Variants in ITGA9 observed in about 807,000 individuals in gnomAD.
ITGA9 encodes integrin subunit alpha 9.
Under a neutral mutation model 127.8 loss-of-function variants are expected in ITGA9, and 56 were observed. The ratio of observed to expected loss-of-function variants is 0.44; its 90% confidence interval spans 0.35 to 0.55. The LOEUF (loss-of-function observed/expected upper bound fraction) is 0.55. ITGA9 is among the 20% of genes least tolerant of loss of function. The probability of loss-of-function intolerance (pLI) is 0.00; values close to 1 mark genes in which losing one functional copy is unlikely to be tolerated. For synonymous variants in ITGA9, 508 were observed against 514.5 expected (o/e 0.99, Z 0.17); for missense variants, 1,196 against 1,347.1 (o/e 0.89, Z 1.76).
intron 18 of ITGA9, among the ~76,000 whole-genome samples, chr3:37,693,711 A>G (rs1328745066): frequency 6.6e-6 from 1 of 152,218 alleles, no homozygotes; most frequent in East Asian, 1.9e-4. Flanking sequence ...TCTGGGCAGG[A>G]GAACAAAGCA....
At chr3:37,803,793 A>C in intron 26 of ITGA9, 30 bp from the exon 27 acceptor site, 1 of 1,613,450 alleles carries the variant, frequency 6.2e-7, no homozygotes, top group Non-Finnish European at 8.5e-7. Context: ...ATAAAAAAGG[A>C]AATGTTTTCA....
chr3:37,580,348 TC>T (rs1216723952), intron 15 of ITGA9, among the ~76,000 whole-genome samples: 2 of 152,356 alleles, frequency 1.3e-5, no homozygotes, highest in Admixed American at 1.3e-4. Context: ...GGCGGGGCTT[TC>T]CCTTTTGCTC....
intron 22 of ITGA9, chr3:37,748,084 A>G (rs1364205408): frequency 7.0e-6 from 3 of 431,272 alleles, no homozygotes; most frequent in African/African-American, 4.1e-5. Flanking sequence ...TTTGGCCAGA[A>G]CCACCATCTT....
At chr3:37,776,423 C>G (rs1696908609) in intron 23 of ITGA9, among the ~76,000 whole-genome samples, 1 of 152,212 alleles carries the variant, frequency 6.6e-6, no homozygotes, top group Non-Finnish European at 1.5e-5. Flanking sequence ...CTATATTTTA[C>G]TCAAGGGCAT....
intron 18 of ITGA9, among the ~76,000 whole-genome samples, chr3:37,694,909 G>C (rs1005331779): frequency 6.6e-6 from 1 of 152,202 alleles, no homozygotes; most frequent in African/African-American, 2.4e-5. Context: ...TCCCTGAGCA[G>C]ATCCTGAGAT....
At position 37,796,063 on chromosome 3, in the gene ITGA9, T is replaced by C. The variant is rs1200616494; in HGVS notation, c.2890-7760T>C. On this transcript the variant is annotated intron_variant, in intron 26 of 27. Transcript: ENST00000264741. ...ATCATGAACATCTTCCCGCTGCTTC[T>C]TGTTCATCCTGTTGGCTCCAGTTCA... Among the ~76,000 whole-genome samples the C allele has an allele frequency of 2.0e-5, 3 of 152,186 alleles. No individual in the cohort carries two copies. In the East Asian group the frequency reaches 5.8e-4, roughly 29 times the overall value.
In ITGA9 at chr3:37,814,168, G is replaced by A. The variant is rs1240376106; in HGVS notation, c.3010-4723G>A. On this transcript the variant is annotated intron_variant, in intron 27 of 27. Coordinates refer to ENST00000264741, the MANE Select transcript of ITGA9 (RefSeq NM_002207.3). The surrounding 1 kb of genome is among the most constrained non-coding windows in gnomAD (Gnocchi z 4.3). ...GTCTAGAGCCTTGAATTCACTTTGGGGAAAACAGAAAAAGCTGTCATGATG... is the reference window on the plus strand; with the variant it reads ...GTCTAGAGCCTTGAATTCACTTTGGAGAAAACAGAAAAAGCTGTCATGATG... Among the ~76,000 whole-genome samples, 1 of 152,110 alleles carries A rather than the reference G, an allele frequency of 6.6e-6. No individual in the cohort carries two copies. Among genetic ancestry groups the A allele is most frequent in the Non-Finnish European group, 1.5e-5 (1 of 68,038 alleles).
chr3:37,576,328 C>T (rs959568437), intron 15 of ITGA9, among the ~76,000 whole-genome samples: 1 of 152,222 alleles, frequency 6.6e-6, no homozygotes, highest in African/African-American at 2.4e-5. Context: ...TGCAGATGCA[C>T]TTCCTGTGAA....
At chr3:37,547,786 T>C (rs968010266) in intron 15 of ITGA9, among the ~76,000 whole-genome samples, 3 of 152,240 alleles carry the variant, frequency 2.0e-5, no homozygotes, top group Non-Finnish European at 4.4e-5. Flanking sequence ...CTGAAAACTT[T>C]TAAAATTTGT....
At chr3:37,724,768 G>A (rs1303491231) in intron 18 of ITGA9, among the ~76,000 whole-genome samples, 3 of 152,134 alleles carry the variant, frequency 2.0e-5, no homozygotes, top group Admixed American at 2.0e-4. Flanking sequence ...AAATTGCTGG[G>A]ATTACAGTCG....
intron 18 of ITGA9, among the ~76,000 whole-genome samples, chr3:37,695,505 A>G (rs1310572914): frequency 6.6e-6 from 1 of 152,238 alleles, no homozygotes. Flanking sequence ...GAATTGGGGA[A>G]TTGACATATA....
chr3:37,789,721 A>T (rs1697084731), intron 26 of ITGA9, among the ~76,000 whole-genome samples: 2 of 138,274 alleles, frequency 1.4e-5, no homozygotes, highest in South Asian at 4.7e-4. Context: ...GTGAGCTGAG[A>T]TCACGCCACT....
In ITGA9 at chr3:37,769,113, C is replaced by T. The variant is rs144455182; in HGVS notation, c.2542-8279C>T. ...CAGCATTTTGGGAGGCCGAGGTGGA[C>T]GGATCATCTGAGGTCAGGAGTTTGA... On this transcript the variant is annotated intron_variant, in intron 23 of 27. Coordinates refer to ENST00000264741, the MANE Select transcript of ITGA9 (RefSeq NM_002207.3). 1.5e-3 allele frequency among the ~76,000 whole-genome samples: 224 copies of T among 151,902 alleles called. 1 individual carries two copies. The highest frequency in any genetic ancestry group is 9.8e-3 in the South Asian group (47 of 4,806).
chr3:37,781,083 A>G (rs1696971133), intron 25 of ITGA9, among the ~76,000 whole-genome samples: 1 of 152,178 alleles, frequency 6.6e-6, no homozygotes, highest in Non-Finnish European at 1.5e-5. Flanking sequence ...CACATTCCCC[A>G]GGGATTTTGT....
chr3:37,701,006 A>T (rs1421099473), intron 18 of ITGA9, among the ~76,000 whole-genome samples: 1 of 152,176 alleles, frequency 6.6e-6, no homozygotes, highest in Non-Finnish European at 1.5e-5. Flanking sequence ...AAAGTGAGTT[A>T]AGTCTGTTGG....
chr3:37,508,659 A>G (rs1311557116), intron 8 of ITGA9, 32 bp downstream of exon 8: 2 of 1,559,372 alleles, frequency 1.3e-6, no homozygotes, highest in East Asian at 2.2e-5. Context: ...ACTATTTTTT[A>G]TTTGAGAGAT....
intron 18 of ITGA9, among the ~76,000 whole-genome samples, chr3:37,698,153 A>G (rs1373688269): frequency 3.3e-5 from 5 of 152,160 alleles, no homozygotes; most frequent in Admixed American, 1.3e-4. Context: ...GTGTCTGTTC[A>G]TATCCTTTGC....
chr3:37,543,666 A>G (rs986216400), intron 15 of ITGA9, among the ~76,000 whole-genome samples: 8 of 152,216 alleles, frequency 5.3e-5, no homozygotes. Flanking sequence ...TGATAGTTTG[A>G]AAAGTCTGCA....
At chr3:37,818,733 T>C (rs756177974) in intron 27 of ITGA9, 158 bp from the exon 28 acceptor site, 3 of 672,806 alleles carry the variant, frequency 4.5e-6, no homozygotes, top group Non-Finnish European at 8.2e-6. Context: ...CCACAGGATG[T>C]TTTTCTTGCC....
Sources: allele counts gnomAD v4.1 joint callset (sites outside exome capture counted in the v4.1 genomes callset), GRCh38; gene constraint gnomAD v4.1.1; non-coding constraint Gnocchi (gnomAD v3.1); transcripts MANE v1.5; gene names NCBI Gene and HGNC (gene_info 2026-07-23, HGNC 2026-07-21).